The following STK24 variants were observed in gnomAD, a reference collection of about 807,000 sequenced individuals.
The protein encoded by STK24 is serine/threonine kinase 24.
A neutral mutation model predicts 55.6 loss-of-function variants in STK24; 21 were observed. The observed-to-expected ratio is 0.38, with a 90% CI of 0.27 to 0.54. The LOEUF is 0.54. Ranked by LOEUF, STK24 falls within the 20% of genes least tolerant of loss-of-function variation. STK24 has a pLI of 0.79. For missense variants in STK24, 383 were observed against 538.4 expected (o/e 0.71, Z 2.86); for synonymous variants, 200 against 215.2 (o/e 0.93, Z 0.62).
Position 98,446,142 on chromosome 13 carries a change from C to T in STK24, c.*7031G>A, listed in dbSNP as rs775032054. On this transcript the variant is annotated 3_prime_UTR_variant, in exon 11 of 11. Transcript: ENST00000539966. ...TGCTGAGGAAATTCAAAAACAGCAA[C>T]GGGTGGCAGAAGCTGTGGGTGGTGT... 1.7e-5 allele frequency: 28 copies of T among 1,613,926 alleles called. No homozygotes were observed. Among genetic ancestry groups the T allele is most frequent in the East Asian group, 1.6e-4 (7 of 44,902 alleles).
At position 98,457,388 on chromosome 13, in the gene STK24, G is replaced by A. The variant is rs547560374; in HGVS notation, c.1123-84C>T. On this transcript the variant is annotated intron_variant, in intron 9 of 10. Transcript: ENST00000539966. ...CATGCTGTTCAAGGAACAACACGGC[G>A]TGTGGACCACGACACTACCCCAGCC... is the stretch of plus-strand genomic sequence containing the variant. The A allele has an allele frequency of 4.6e-5, 73 of 1,598,482 alleles. 2 individuals are homozygous for A. Among genetic ancestry groups the A allele is most frequent in the South Asian group, 4.4e-4 (40 of 90,314 alleles).
chr13:98,503,024 G>GTTTTTTTTTGT (rs1895541764), intron 2 of STK24, among the ~76,000 whole-genome samples: 1 of 107,084 alleles, frequency 9.3e-6, no homozygotes, highest in Non-Finnish European at 1.8e-5. Flanking sequence ...CTTTCCATGT[G>GTTTTTTTTTGT]TTTTTTTTTT....
At chr13:98,482,371 AATT>A (rs1894625202) in intron 2 of STK24, 50 bp from the exon 3 acceptor site, 6 of 1,145,872 alleles carry the variant, frequency 5.2e-6, no homozygotes, top group Non-Finnish European at 7.6e-6. Context: ...AATCCAGGAA[AATT>A]TTTTTTAATA....
chr13:98,507,867 C>G (rs1280426616), intron 2 of STK24, among the ~76,000 whole-genome samples: 3 of 152,172 alleles, frequency 2.0e-5, no homozygotes, highest in South Asian at 2.1e-4. Context: ...TTTTATGACA[C>G]TTCCCAAAAG....
intron 5 of STK24, among the ~76,000 whole-genome samples, chr13:98,466,953 G>A (rs1893948224): frequency 6.6e-6 from 1 of 152,208 alleles, no homozygotes; most frequent in Admixed American, 6.5e-5. Flanking sequence ...ACAGCTCTGA[G>A]GTCGAGAGTG....
intron 1 of STK24, among the ~76,000 whole-genome samples, chr13:98,549,922 A>T (rs1897119484): frequency 6.6e-6 from 1 of 152,202 alleles, no homozygotes; most frequent in African/African-American, 2.4e-5. Context: ...AGACCACAGT[A>T]GCTACCTATT....
At chr13:98,459,666 T>A (rs950864271) in intron 9 of STK24, among the ~76,000 whole-genome samples, 1 of 152,202 alleles carries the variant, frequency 6.6e-6, no homozygotes, top group African/African-American at 2.4e-5. Flanking sequence ...AGTGGAAAAC[T>A]GCCCAAAGAG....
chr13:98,567,552 A>C (rs1194094248), intron 1 of STK24, among the ~76,000 whole-genome samples: 2 of 152,234 alleles, frequency 1.3e-5, no homozygotes, highest in Non-Finnish European at 2.9e-5. Flanking sequence ...TTCTCAGTTC[A>C]AGTTGGGGAG....
At chr13:98,453,506 T>C (rs1893299119) in intron 10 of STK24, 1 of 362,822 alleles carries the variant, frequency 2.8e-6, no homozygotes, top group African/African-American at 2.1e-5. Flanking sequence ...CGATCAATTG[T>C]CAAAAAGTGA....
chr13:98,472,921 C>T (rs1358995621), intron 5 of STK24, among the ~76,000 whole-genome samples: 10 of 152,086 alleles, frequency 6.6e-5, no homozygotes, highest in Non-Finnish European at 1.0e-4. Context: ...TCAACTAGAA[C>T]GCCATCCTGC....
chr13:98,483,169 GTCT>G (rs1566360776), intron 2 of STK24, among the ~76,000 whole-genome samples: 1 of 152,242 alleles, frequency 6.6e-6, no homozygotes. Flanking sequence ...CCTGGGCAGG[GTCT>G]GGATCCCGAC....
chr13:98,573,107 T>C (rs973093291), intron 1 of STK24, among the ~76,000 whole-genome samples: 106 of 152,308 alleles, frequency 7.0e-4, no homozygotes, highest in African/African-American at 2.5e-3. Flanking sequence ...TTCGAAACAC[T>C]TGTGGTCCCA....
chr13:98,457,465 C>CTTTTT (rs11351684), intron 9 of STK24, among the ~76,000 whole-genome samples, 161 bp from the exon 10 acceptor site: 1 of 110,810 alleles, frequency 9.0e-6, no homozygotes, highest in African/African-American at 3.4e-5. Flanking sequence ...CTTCAAATTG[C>CTTTTT]TTTTTTTTTT....
In STK24 at chr13:98,448,124, A is replaced by T; in HGVS notation, c.*5049T>A. The stretch of plus-strand genomic sequence containing the variant: ...CCTTGCTCTTCTGCTGAAGTGGCAG[A>T]TTACCAACCAGGCGGCCTGACTTCA... On this transcript the variant is annotated 3_prime_UTR_variant, in exon 11 of 11. Coordinates refer to ENST00000539966, the MANE Select transcript of STK24 (RefSeq NM_001032296.4). The T allele has an allele frequency of 1.1e-6, 1 of 877,026 alleles. No homozygotes were observed. Among genetic ancestry groups the T allele is most frequent in the Non-Finnish European group, 1.9e-6 (1 of 525,900 alleles). The allele number at this position is 877,026 out of a possible 1,614,324, so 54.3% of individuals were successfully genotyped here.
chr13:98,562,403 A>G (rs930024064), intron 1 of STK24, among the ~76,000 whole-genome samples: 1 of 152,156 alleles, frequency 6.6e-6, no homozygotes, highest in Non-Finnish European at 1.5e-5. Context: ...CACAGCCGAT[A>G]AGCAACTGGC....
In STK24 at chr13:98,466,514, C is replaced by T; in HGVS notation, c.645G>A (p.Gly215=). Residue 215 remains glycine, a synonymous_variant, in exon 6 of 11, where the codon GGG becomes GGA. Transcript: ENST00000539966. ...GGTGCAGCTCGGAATGAGGTGGTTCCCCTCTTGCAAGTTCAATAGCTGTTA... is the reference window on the plus strand; with the variant it reads ...GGTGCAGCTCGGAATGAGGTGGTTCTCCTCTTGCAAGTTCAATAGCTGTTA... ...LGITAIELAR[G]EPPHSELHPM... is the part of the protein sequence containing the mutation. The T allele has an allele frequency of 6.2e-7, 1 of 1,614,040 alleles. No homozygotes were observed.
chr13:98,509,634 A>G (rs543774696), intron 2 of STK24, among the ~76,000 whole-genome samples: 1 of 152,336 alleles, frequency 6.6e-6, no homozygotes, highest in South Asian at 2.1e-4. Flanking sequence ...GTCACCCTTG[A>G]CACGGTCTCC....
chr13:98,538,280 C>T (rs1274998265), intron 1 of STK24, among the ~76,000 whole-genome samples: 3 of 126,824 alleles, frequency 2.4e-5, no homozygotes, highest in South Asian at 2.5e-4. Context: ...GGCTTGAGTA[C>T]GGTGGCATGA....
chr13:98,511,300 C>T (rs1161826079), intron 2 of STK24, among the ~76,000 whole-genome samples: 1 of 152,176 alleles, frequency 6.6e-6, no homozygotes. Flanking sequence ...ATTAAAACTA[C>T]AATGAAATAC....
Sources: gnomAD v4.1 joint callset for allele counts (sites outside exome capture counted in the v4.1 genomes callset) on GRCh38, gnomAD v4.1.1 for gene constraint, MANE v1.5 for transcripts, NCBI Gene and HGNC (gene_info 2026-07-23, HGNC 2026-07-21) for gene names.